The following AASS variants were observed in gnomAD, a reference collection of about 807,000 sequenced individuals.
The protein encoded by AASS is aminoadipate-semialdehyde synthase.
A neutral mutation model predicts 105.4 loss-of-function variants in AASS; 86 were observed. The ratio of observed to expected loss-of-function variants is 0.82; its 90% CI spans 0.69 to 0.98. The LOEUF (loss-of-function observed/expected upper bound fraction) is 0.98. Among genes scored for constraint, AASS ranks in the 50% least tolerant of loss-of-function variants. AASS has a pLI of 0.00. For missense variants in AASS, 1,048 were observed against 1,143.2 expected, an observed-to-expected ratio of 0.92 and a Z score of 1.20; for synonymous variants, 381 against 394.8, an observed-to-expected ratio of 0.96 and a Z score of 0.41.
chr7:122,118,756 AG>A, intron 4 of AASS, 126 bp from the exon 5 acceptor site: 1 of 928,530 alleles, frequency 1.1e-6, no homozygotes, highest in South Asian at 1.4e-5. Context: ...GATTTAGAAG[AG>A]GCCTCAGTAG....
At chr7:122,125,590 T>C (rs971300649) in intron 4 of AASS, among the ~76,000 whole-genome samples, 4 of 152,096 alleles carry the variant, frequency 2.6e-5, no homozygotes, top group African/African-American at 9.7e-5. Context: ...GGCTAGCAAC[T>C]TAGAACTTTT....
chr7:122,129,688 T>G, intron 2 of AASS, 151 bp from the exon 3 acceptor site: 1 of 699,014 alleles, frequency 1.4e-6, no homozygotes, highest in Non-Finnish European at 2.4e-6. Flanking sequence ...ACTTGTAATG[T>G]TTGTACTTGT....
At chr7:122,095,890 C>T (rs910746759) in intron 15 of AASS, among the ~76,000 whole-genome samples, 5 of 152,084 alleles carry the variant, frequency 3.3e-5, no homozygotes, top group African/African-American at 1.2e-4. Flanking sequence ...TCACATTCTC[C>T]ATATTAAACT....
chr7:122,135,271 T>TAAA (rs35382381), intron 1 of AASS, among the ~76,000 whole-genome samples: 19,891 of 145,542 alleles, frequency 0.14, 1,568 homozygotes, highest in East Asian at 0.23. Context: ...CTTAAAGTAT[T>TAAA]AAAAAAAAAA....
chr7:122,096,012 G>T (rs766428755), intron 15 of AASS, among the ~76,000 whole-genome samples: 3 of 152,020 alleles, frequency 2.0e-5, no homozygotes, highest in Non-Finnish European at 2.9e-5. Context: ...TAGACGAAGG[G>T]ATTAGAGTTC....
chr7:122,100,672 G>T (rs1584844599), intron 13 of AASS, among the ~76,000 whole-genome samples: 1 of 151,710 alleles, frequency 6.6e-6, no homozygotes, highest in East Asian at 1.9e-4. Context: ...CAGCAGAGTA[G>T]ATATAAACAC....
intron 9 of AASS, among the ~76,000 whole-genome samples, chr7:122,114,151 A>G (rs576537710): frequency 2.0e-5 from 3 of 152,334 alleles, no homozygotes; most frequent in African/African-American, 7.2e-5. Flanking sequence ...CCAGCATTCA[A>G]AAAGTTGACT....
Position 122,079,615 on chromosome 7 carries a change from T to C in AASS, c.2378A>G (p.Gln793Arg), listed in dbSNP as rs760009453. ...TGCCTACCATTCAGCAGCCTCCAACTGGGTATTGTCTCCTCCTAGTTTCTT... is the reference window on the plus strand; with the variant it reads ...TGCCTACCATTCAGCAGCCTCCAACCGGGTATTGTCTCCTCCTAGTTTCTT... ...VLKKLGGDNT[Q>R]LEAAEWLGLL... is the part of the protein sequence containing the mutation. The change falls in exon 21 of 24, where the codon CAG (glutamine) becomes CGG (arginine). Residue 793 changes from glutamine (Q) to arginine (R), a missense_variant. By Grantham distance (43) the Gln-to-Arg change is conservative. Transcript: ENST00000417368. The C allele has an allele frequency of 3.7e-6, 6 of 1,613,598 alleles. No homozygotes were observed. The highest frequency in any genetic ancestry group is 5.1e-6 in the Non-Finnish European group (6 of 1,179,516).
rs747355941 is a variant in AASS at position 122,074,838 on chromosome 7, T to C, written c.*1651A>G. On this transcript the variant is annotated 3_prime_UTR_variant, in exon 24 of 24. Transcript: ENST00000417368. Reference sequence around the variant, plus strand: ...AATTATATTGGTATTTTACTCTTTCTGATGCTGTCAATTTTTTTCTTTTCT... The same window carrying C: ...AATTATATTGGTATTTTACTCTTTCCGATGCTGTCAATTTTTTTCTTTTCT... 2.0e-5 allele frequency among the ~76,000 whole-genome samples: 3 copies of C among 152,060 alleles called. No homozygotes were observed. Among genetic ancestry groups the C allele is most frequent in the Non-Finnish European group, 2.9e-5 (2 of 68,008 alleles).
intron 1 of AASS, 96 bp from the exon 2 acceptor site, chr7:122,133,837 C>G (rs531074783): frequency 5.7e-6 from 6 of 1,054,816 alleles, no homozygotes; most frequent in African/African-American, 1.6e-5. Context: ...ATACAACCCG[C>G]TCTTATGAAA....
intron 2 of AASS, among the ~76,000 whole-genome samples, chr7:122,129,769 A>G (rs1339030271): frequency 6.6e-6 from 1 of 152,152 alleles, no homozygotes; most frequent in Non-Finnish European, 1.5e-5. Context: ...ATATATATAT[A>G]TATGTATGTT....
In AASS at chr7:122,116,546, T is replaced by C. The variant is rs1795185703; in HGVS notation, c.894+87A>G. 3.2e-6 allele frequency: 5 copies of C among 1,549,886 alleles called. No individual in the cohort carries two copies. In the South Asian group the frequency reaches 3.4e-5, roughly 10 times the overall value. On this transcript the variant is annotated intron_variant, in intron 8 of 23. Coordinates refer to ENST00000417368, the MANE Select transcript of AASS (RefSeq NM_005763.4). ...TCACAACAGGAAAACTGAAAGCCAT[T>C]GTACAATTCATAATTTCTCTCCTTG...
At chr7:122,081,435 C>A in intron 20 of AASS, 65 bp downstream of exon 20, 1 of 1,270,770 alleles carries the variant, frequency 7.9e-7, no homozygotes, top group Non-Finnish European at 1.2e-6. Flanking sequence ...GCAGAGTTCA[C>A]CCCCGACCAT....
chr7:122,076,558 A>G lies in AASS; in HGVS notation c.2712T>C (p.Tyr904=). 6.2e-7 allele frequency: 1 copy of G among 1,613,980 alleles called. No individual in the cohort carries two copies. Among genetic ancestry groups the G allele is most frequent in the Non-Finnish European group, 8.5e-7 (1 of 1,179,858 alleles). The change falls in exon 24 of 24, where the codon TAT becomes TAC. Residue 904 remains tyrosine, a synonymous_variant. Coordinates refer to ENST00000417368, the MANE Select transcript of AASS (RefSeq NM_005763.4). ...CTTTAATTCGCTCCAATATTGGTCC[A>G]TAGATCTCCTTTGAAAAGGGCCCCA... ...GLMGPFSKEI[Y]GPILERIKAE...
chr7:122,116,746 A>G lies in AASS; in HGVS notation c.781T>C (p.Tyr261His). The change falls in exon 8 of 24, where the codon TAT (tyrosine) becomes CAT (histidine). Residue 261 changes from tyrosine (Y) to histidine (H), a missense_variant. Tyr to His is a moderately conservative substitution (Grantham distance 83). Coordinates refer to ENST00000417368, the MANE Select transcript of AASS (RefSeq NM_005763.4). ...TGATGACGACTTAACACCGTCCCATACACTTTTCTGAGGTCTTGAAAAGGA... is the reference window on the plus strand; with the variant it reads ...TGATGACGACTTAACACCGTCCCATGCACTTTTCTGAGGTCTTGAAAAGGA... ...VSQTGDLRKV[Y>H]GTVLSRHHHL... is the part of the protein sequence containing the mutation. 6.2e-7 allele frequency: 1 copy of G among 1,614,120 alleles called. No individual in the cohort carries two copies. The highest frequency in any genetic ancestry group is 8.5e-7 in the Non-Finnish European group (1 of 1,179,998).
intron 1 of AASS, among the ~76,000 whole-genome samples, chr7:122,135,622 T>G (rs1490255676): frequency 6.6e-6 from 1 of 152,194 alleles, no homozygotes; most frequent in Non-Finnish European, 1.5e-5. Flanking sequence ...TATATTCTCA[T>G]GAATAAACTC....
intron 11 of AASS, among the ~76,000 whole-genome samples, chr7:122,111,455 G>C (rs1332506894): frequency 1.3e-5 from 2 of 152,134 alleles, no homozygotes; most frequent in African/African-American, 4.8e-5. Flanking sequence ...AAGTTATTCA[G>C]TCTGCAGGGA....
intron 8 of AASS, among the ~76,000 whole-genome samples, chr7:122,116,113 A>T (rs1795158734): frequency 6.6e-6 from 1 of 152,132 alleles, no homozygotes; most frequent in South Asian, 2.1e-4. Flanking sequence ...TTCTTATAAG[A>T]TGTGTGTCGC....
At chr7:122,113,788 A>AG (rs1447482233) in intron 9 of AASS, 68 bp from the exon 10 acceptor site, 11 of 1,571,676 alleles carry the variant, frequency 7.0e-6, no homozygotes, top group Non-Finnish European at 8.6e-6. Flanking sequence ...CTAAAAAAAA[A>AG]GGAGTTTGGA....
Sources: allele counts gnomAD v4.1 joint callset (sites outside exome capture counted in the v4.1 genomes callset), GRCh38; gene constraint gnomAD v4.1.1; transcripts MANE v1.5; gene names NCBI Gene and HGNC (gene_info 2026-07-23, HGNC 2026-07-21).